The following CSMD1 variants were observed in gnomAD, a reference collection of about 807,000 sequenced individuals.
The protein encoded by CSMD1 is CUB and Sushi multiple domains 1.
A neutral mutation model predicts 417.5 loss-of-function variants in CSMD1; 213 were observed. The ratio of observed to expected loss-of-function variants is 0.51; its 90% CI spans 0.46 to 0.57. The LOEUF is 0.57. Among genes scored for constraint, CSMD1 ranks in the 20% least tolerant of loss-of-function variants. The pLI is 0.00. For missense variants in CSMD1, 6,923 were observed against 4,529.7 expected, an observed-to-expected ratio of 1.53 and a Z score of -15.17; for synonymous variants, 2,862 against 1,736.8, an observed-to-expected ratio of 1.65 and a Z score of -16.11.
intron 4 of CSMD1, among the ~76,000 whole-genome samples, chr8:4,004,562 G>C (rs1041838138): frequency 1.3e-5 from 2 of 151,646 alleles, no homozygotes; most frequent in Non-Finnish European, 2.9e-5. Context: ...ACCTAATTTG[G>C]TATTATAAAC....
At chr8:3,418,036 G>C (rs1269425473) in intron 12 of CSMD1, among the ~76,000 whole-genome samples, 1 of 152,228 alleles carries the variant, frequency 6.6e-6, no homozygotes, top group African/African-American at 2.4e-5. Context: ...TTGTTAAAAT[G>C]ATGTGTGATC....
chr8:3,134,762 A>T (rs932313745), intron 41 of CSMD1, among the ~76,000 whole-genome samples: 1 of 152,076 alleles, frequency 6.6e-6, no homozygotes, highest in African/African-American at 2.4e-5. Flanking sequence ...CTTGATTCCA[A>T]ATCATACTTC....
chr8:4,355,597 G>C (rs530962882), intron 3 of CSMD1, among the ~76,000 whole-genome samples: 15 of 152,290 alleles, frequency 9.8e-5, no homozygotes, highest in Admixed American at 6.5e-4. Context: ...AGAGTGTTCA[G>C]ACAGAAGAAT....
chr8:3,902,906 T>C (rs1015256802), intron 5 of CSMD1, among the ~76,000 whole-genome samples: 3 of 152,190 alleles, frequency 2.0e-5, no homozygotes, highest in Non-Finnish European at 2.9e-5. Context: ...CATCCTGATC[T>C]TAACCACTTA....
At chr8:4,862,321 A>C (rs1386122282) in intron 1 of CSMD1, among the ~76,000 whole-genome samples, 1 of 152,092 alleles carries the variant, frequency 6.6e-6, no homozygotes, top group Non-Finnish European at 1.5e-5. Flanking sequence ...CTTATGAATG[A>C]GATGGAAAAT....
intron 10 of CSMD1, among the ~76,000 whole-genome samples, chr8:3,524,067 A>G (rs1797643787): frequency 6.8e-6 from 1 of 147,364 alleles, no homozygotes; most frequent in South Asian, 2.3e-4. Context: ...ACACATGCAC[A>G]CACTTACACA....
At chr8:4,062,434 T>C (rs1292619508) in intron 3 of CSMD1, among the ~76,000 whole-genome samples, 4 of 152,248 alleles carry the variant, frequency 2.6e-5, no homozygotes, top group African/African-American at 9.6e-5. Flanking sequence ...AGAAATTTTC[T>C]AAGAATCTCA....
intron 41 of CSMD1, among the ~76,000 whole-genome samples, chr8:3,122,560 G>A (rs1585406531): frequency 6.6e-6 from 1 of 152,302 alleles, no homozygotes; most frequent in African/African-American, 2.4e-5. Flanking sequence ...TGTTGTGAAT[G>A]TGGGAGGGAC....
Position 3,324,110 on chromosome 8 carries a change from C to A in CSMD1, c.3632-15607G>T, listed in dbSNP as rs116462187. Among the ~76,000 whole-genome samples the A allele has an allele frequency of 8.7e-3, 1,291 of 148,562 alleles. 25 individuals carry two copies. Among genetic ancestry groups the A allele is most frequent in the African/African-American group, 0.03 (1,211 of 40,122 alleles). ...CCCAGGTGGGGGAGTTTCCTTCACC[C>A]CACCTTTCATCATGGTTAAAATAGA... On this transcript the variant is annotated intron_variant, in intron 23 of 69. Coordinates refer to ENST00000635120, the MANE Select transcript of CSMD1 (RefSeq NM_033225.6).
intron 2 of CSMD1, among the ~76,000 whole-genome samples, chr8:4,453,842 G>A (rs531374762): frequency 3.5e-4 from 16 of 46,042 alleles, no homozygotes; most frequent in African/African-American, 1.0e-3. Flanking sequence ...TTTTTTTTGA[G>A]ACAGAGTCTC....
At chr8:3,340,433 T>C (rs1270219465) in intron 23 of CSMD1, among the ~76,000 whole-genome samples, 1 of 152,220 alleles carries the variant, frequency 6.6e-6, no homozygotes, top group Non-Finnish European at 1.5e-5. Flanking sequence ...TGACATTTTC[T>C]AATCTACTCA....
chr8:3,285,474 C>G (rs370975308), intron 25 of CSMD1, among the ~76,000 whole-genome samples: 1 of 151,714 alleles, frequency 6.6e-6, no homozygotes, highest in African/African-American at 2.4e-5. Context: ...GCAACCTCTA[C>G]TTCCTGGGTT....
At chr8:3,277,809 G>A (rs1463413458) in intron 26 of CSMD1, among the ~76,000 whole-genome samples, 1 of 152,146 alleles carries the variant, frequency 6.6e-6, no homozygotes, top group East Asian at 1.9e-4. Flanking sequence ...TTATTAACTA[G>A]TAATGGGATT....
chr8:4,889,980 C>G (rs1304378456), intron 1 of CSMD1, among the ~76,000 whole-genome samples: 1 of 152,068 alleles, frequency 6.6e-6, no homozygotes, highest in Non-Finnish European at 1.5e-5. Context: ...AACTATGAAA[C>G]AGAAATATAT....
chr8:4,780,730 C>G (rs1330035359), intron 1 of CSMD1, among the ~76,000 whole-genome samples: 1 of 152,124 alleles, frequency 6.6e-6, no homozygotes, highest in Non-Finnish European at 1.5e-5. Context: ...TCCCACTCTT[C>G]TCTACCAAGT....
chr8:3,530,579 G>A (rs1444005468), intron 10 of CSMD1, among the ~76,000 whole-genome samples: 2 of 152,098 alleles, frequency 1.3e-5, no homozygotes, highest in Non-Finnish European at 1.5e-5. Context: ...TGGAATGCAG[G>A]GGTGTGAGCT....
intron 26 of CSMD1, chr8:3,278,798 C>G (rs1357012946): frequency 1.3e-5 from 2 of 152,054 alleles, no homozygotes; most frequent in African/African-American, 4.8e-5. Context: ...AGTTTCCCAC[C>G]TTTGGTTTGG....
chr8:3,038,028 G>T (rs983580014), intron 50 of CSMD1, among the ~76,000 whole-genome samples: 1 of 152,030 alleles, frequency 6.6e-6, no homozygotes, highest in Non-Finnish European at 1.5e-5. Flanking sequence ...TCTCTGGCCC[G>T]GCTTTCTTAT....
At chr8:3,176,716 G>A (rs1489964221) in intron 37 of CSMD1, among the ~76,000 whole-genome samples, 3 of 152,064 alleles carry the variant, frequency 2.0e-5, no homozygotes, top group Non-Finnish European at 4.4e-5. Flanking sequence ...GAACCCATCA[G>A]GGAGCTGCGT....
Sources: gnomAD v4.1 joint callset for allele counts (sites outside exome capture counted in the v4.1 genomes callset) on GRCh38, gnomAD v4.1.1 for gene constraint, MANE v1.5 for transcripts, NCBI Gene and HGNC (gene_info 2026-07-23, HGNC 2026-07-21) for gene names.